Variants in LRP1B observed in about 807,000 individuals in gnomAD.
LRP1B encodes low-density lipoprotein receptor-related protein 1B.
In LRP1B, 217 loss-of-function variants were observed where a neutral mutation model predicts 556.6. The observed-to-expected ratio is 0.39, with a 90% CI of 0.35 to 0.44. LRP1B has a LOEUF of 0.44. Ranked by LOEUF, LRP1B falls within the 20% of genes least tolerant of loss-of-function variation. The pLI, the probability that LRP1B is intolerant of heterozygous loss-of-function variation, is 1.00. For synonymous variants in LRP1B, 2,047 were observed against 1,865.8 expected, an observed-to-expected ratio of 1.10 and a Z score of -2.50; for missense variants, 5,053 against 5,620.8, an observed-to-expected ratio of 0.90 and a Z score of 3.23.
chr2:140,535,195 G>T (rs1690896089), intron 46 of LRP1B, among the ~76,000 whole-genome samples: 1 of 151,974 alleles, frequency 6.6e-6, no homozygotes, highest in Non-Finnish European at 1.5e-5. Context: ...GAAAATGCTT[G>T]CCAACTCCTG....
Position 140,770,846 on chromosome 2 carries a change from A to G in LRP1B, c.5626+35T>C, listed in dbSNP as rs200937708. On this transcript the variant is annotated intron_variant, in intron 34 of 90. Coordinates refer to ENST00000389484, the MANE Select transcript of LRP1B (RefSeq NM_018557.3). Reference sequence around the variant, plus strand: ...TGGTATGTAATGATTAGTGAAGTAAATGAACCAGAGGTAAGGTTTTTCATG... The same window carrying G: ...TGGTATGTAATGATTAGTGAAGTAAGTGAACCAGAGGTAAGGTTTTTCATG... 201 of 1,506,414 alleles carry G rather than the reference A, an allele frequency of 1.3e-4. No homozygotes were observed. The African/African-American group carries it at 2.8e-3, about 21-fold the overall frequency. 93.3% of individuals were successfully genotyped at this position (1,506,414 alleles called of 1,614,324 possible).
intron 3 of LRP1B, among the ~76,000 whole-genome samples, chr2:141,460,298 A>G (rs1366081632): frequency 6.6e-6 from 1 of 152,142 alleles, no homozygotes; most frequent in Non-Finnish European, 1.5e-5. Flanking sequence ...ATTCATAACA[A>G]CACTCTTTGT....
chr2:142,077,386 C>A (rs1705542723), intron 1 of LRP1B, among the ~76,000 whole-genome samples: 1 of 152,020 alleles, frequency 6.6e-6, no homozygotes, highest in Admixed American at 6.6e-5. Flanking sequence ...AAATTTATAT[C>A]CCTGTAATCT....
At chr2:140,683,302 G>A in intron 41 of LRP1B, 1 of 416,432 alleles carries the variant, frequency 2.4e-6, no homozygotes, top group South Asian at 2.0e-5. Flanking sequence ...ACCTTCAAAG[G>A]AAAAGAGATC....
chr2:141,147,201 C>T (rs1242583667), intron 7 of LRP1B, among the ~76,000 whole-genome samples: 1 of 152,132 alleles, frequency 6.6e-6, no homozygotes, highest in Admixed American at 6.5e-5. Context: ...TCCTCTTGCC[C>T]TTTAGGCTTA....
intron 1 of LRP1B, among the ~76,000 whole-genome samples, chr2:142,054,570 A>G (rs1281359131): frequency 6.6e-6 from 1 of 152,058 alleles, no homozygotes; most frequent in East Asian, 1.9e-4. Flanking sequence ...AGATGACCAC[A>G]TTTCTCTATA....
At chr2:141,176,024 A>C (rs1345065919) in intron 7 of LRP1B, among the ~76,000 whole-genome samples, 1 of 152,062 alleles carries the variant, frequency 6.6e-6, no homozygotes, top group African/African-American at 2.4e-5. Flanking sequence ...GTTTTTGGCC[A>C]ATTTCTCTCT....
intron 2 of LRP1B, among the ~76,000 whole-genome samples, chr2:141,699,077 G>A (rs1691841903): frequency 6.6e-6 from 1 of 151,808 alleles, no homozygotes; most frequent in Admixed American, 6.6e-5. Context: ...TTAACCCACA[G>A]GAATTGGGAA....
At position 140,379,342 on chromosome 2, in the gene LRP1B, C is replaced by T. The variant is rs137897009; in HGVS notation, c.10532-1056G>A. Among the ~76,000 whole-genome samples the T allele has an allele frequency of 2.1e-3, 319 of 152,278 alleles. 2 individuals are homozygous for T. The highest frequency in any genetic ancestry group is 4.1e-3 in the Admixed American group (62 of 15,280). ...GCTCTACACAATCCCTTGGTTTCTA[C>T]ATATAGAGTAACATCTTGATGGTTT... On this transcript the variant is annotated intron_variant, in intron 67 of 90. Coordinates refer to ENST00000389484, the MANE Select transcript of LRP1B (RefSeq NM_018557.3).
chr2:140,611,696 A>G (rs773152308), intron 41 of LRP1B, among the ~76,000 whole-genome samples: 2 of 152,132 alleles, frequency 1.3e-5, no homozygotes, highest in Non-Finnish European at 2.9e-5. Context: ...AAAGGTGTTA[A>G]GAATTTTATG....
At chr2:140,673,411 A>G (rs1237553181) in intron 41 of LRP1B, among the ~76,000 whole-genome samples, 1 of 152,010 alleles carries the variant, frequency 6.6e-6, no homozygotes, top group Non-Finnish European at 1.5e-5. Context: ...TTGAGCCCTC[A>G]TCAATATTCT....
At chr2:141,728,049 C>T (rs1010065764) in intron 2 of LRP1B, among the ~76,000 whole-genome samples, 1 of 151,952 alleles carries the variant, frequency 6.6e-6, no homozygotes, top group Non-Finnish European at 1.5e-5. Flanking sequence ...AAGAGAAGCC[C>T]GTATTTCAGA....
At chr2:141,689,650 C>T (rs1876597) in intron 2 of LRP1B, among the ~76,000 whole-genome samples, 54,394 of 151,398 alleles carry the variant, frequency 0.36, 10,577 homozygotes, top group East Asian at 0.58. Context: ...AGATCATTTT[C>T]TTCTCTTTTA....
chr2:140,595,243 T>C (rs1474681828), intron 43 of LRP1B, among the ~76,000 whole-genome samples: 1 of 151,444 alleles, frequency 6.6e-6, no homozygotes, highest in Non-Finnish European at 1.5e-5. Context: ...TGCTTTCATT[T>C]CATGTAGTAA....
intron 3 of LRP1B, among the ~76,000 whole-genome samples, chr2:141,324,692 C>T (rs1282199835): frequency 2.0e-5 from 3 of 151,978 alleles, no homozygotes; most frequent in Admixed American, 6.6e-5. Context: ...GGACATGAAG[C>T]CTGATTTTTG....
At position 140,466,907 on chromosome 2, in the gene LRP1B, A is replaced by T. The variant is rs909152913; in HGVS notation, c.9625+8231T>A. Reference sequence around the variant, plus strand: ...AAAATATCTGAAGTTCAATGGCACAAGCAACCAAAATTGAAAAGAACTAAA... The same window carrying T: ...AAAATATCTGAAGTTCAATGGCACATGCAACCAAAATTGAAAAGAACTAAA... On this transcript the variant is annotated intron_variant, in intron 60 of 90. Transcript: ENST00000389484. 3.9e-5 allele frequency among the ~76,000 whole-genome samples: 6 copies of T among 152,232 alleles called. No homozygotes were observed. In the East Asian group the frequency reaches 9.6e-4, roughly 24 times the overall value.
intron 52 of LRP1B, among the ~76,000 whole-genome samples, chr2:140,508,599 A>T (rs1285098417): frequency 6.6e-6 from 1 of 152,204 alleles, no homozygotes; most frequent in Non-Finnish European, 1.5e-5. Flanking sequence ...TAATCAGAGT[A>T]AAACTCTGAT....
rs948572584 is a variant in LRP1B, at chr2:140,902,934, C to A, written c.3752G>T (p.Ser1251Ile). The A allele has an allele frequency of 6.2e-6, 10 of 1,613,296 alleles. No homozygotes were observed. In the African/African-American group the frequency reaches 1.1e-4, roughly 17 times the overall value. ...TAGTTACTTACCAACACTTGTACAA[C>A]TTTCACCGTCTACATCCAGCTTCCA... ...EGWKLDVDGE[S>I]CTSVDPFEAF... Residue 1251 changes from serine (S) to isoleucine (I), a missense_variant, in exon 23 of 91, where the codon AGT becomes ATT. Physicochemically the swap from Ser to Ile is moderately radical, Grantham distance 142. This residue lies in a region of LRP1B where 3,619 missense variants were observed against 3,931.9 expected (regional missense o/e 0.92). Transcript: ENST00000389484.
At chr2:140,414,975 T>C (rs1685122578) in intron 66 of LRP1B, among the ~76,000 whole-genome samples, 1 of 152,090 alleles carries the variant, frequency 6.6e-6, no homozygotes, top group Non-Finnish European at 1.5e-5. Context: ...AATATTAATA[T>C]TAGTACCCTG....
Sources: allele counts gnomAD v4.1 joint callset (sites outside exome capture counted in the v4.1 genomes callset), GRCh38; gene constraint gnomAD v4.1.1; regional missense constraint gnomAD v4.1.1; transcripts MANE v1.5; gene names NCBI Gene and HGNC (gene_info 2026-07-23, HGNC 2026-07-21).